Variants in RALGPS2 observed in about 807,000 individuals in gnomAD.
RALGPS2 encodes the protein ras-specific guanine nucleotide-releasing factor RalGPS2.
A neutral mutation model predicts 86.8 loss-of-function variants in RALGPS2; 43 were observed. That is an observed-to-expected ratio of 0.50 (90% CI 0.39 to 0.64). The LOEUF (loss-of-function observed/expected upper bound fraction) is 0.64, where lower values mean the gene tolerates loss of function less well. RALGPS2 is among the 30% of genes least tolerant of loss of function. RALGPS2 has a pLI of 0.00. For missense variants in RALGPS2, 536 were observed against 694.6 expected (o/e 0.77, Z 2.57); for synonymous variants, 243 against 231.3 (o/e 1.05, Z -0.46).
chr1:178,853,251 A>G lies in RALGPS2; in HGVS notation c.607+19701A>G, dbSNP rs557960227. ...TCCATAGCTACTAAAAATATTAGCT[A>G]GTATACTACCCAGATCCTTAAAAAG... On this transcript the variant is annotated intron_variant, in intron 8 of 19. Coordinates refer to ENST00000367635, the MANE Select transcript of RALGPS2 (RefSeq NM_152663.5). The G allele has an allele frequency of 2.7e-5, 26 of 971,718 alleles. No homozygotes were observed. The African/African-American group carries it at 4.2e-4, about 16-fold the overall frequency. The allele number at this position is 971,718 out of a possible 1,614,324, so 60.2% of individuals were successfully genotyped here. A position where few individuals can be genotyped will look rare whatever the true frequency, so the allele number is the denominator to read the frequency against.
intron 1 of RALGPS2, chr1:178,747,643 T>TAATC (rs1034387242): frequency 1.3e-6 from 2 of 1,553,938 alleles, no homozygotes; most frequent in African/African-American, 2.7e-5. Flanking sequence ...GGCATTAATA[T>TAATC]AATCATTCTC....
At chr1:178,748,090 C>T (rs1036864338) in intron 1 of RALGPS2, among the ~76,000 whole-genome samples, 2 of 152,102 alleles carry the variant, frequency 1.3e-5, no homozygotes, top group East Asian at 1.9e-4. Flanking sequence ...GAGGCCGAGG[C>T]GGGTGGATCA....
chr1:178,890,455 T>C (rs369432325), intron 14 of RALGPS2, among the ~76,000 whole-genome samples: 11 of 152,116 alleles, frequency 7.2e-5, no homozygotes, highest in African/African-American at 2.2e-4. Flanking sequence ...ATGAACTAAG[T>C]AACTAAATTT....
At chr1:178,845,842 A>G (rs912992724) in intron 8 of RALGPS2, among the ~76,000 whole-genome samples, 2 of 152,182 alleles carry the variant, frequency 1.3e-5, no homozygotes, top group African/African-American at 4.8e-5. Context: ...AAGGTCCAGG[A>G]TATCATTAAC....
intron 4 of RALGPS2, among the ~76,000 whole-genome samples, chr1:178,807,682 A>G (rs116101065): frequency 0.019 from 2,826 of 152,284 alleles, 53 homozygotes; most frequent in Non-Finnish European, 0.029. Context: ...AGAGTGAGAT[A>G]CTAGAAAGCT....
chr1:178,810,262 C>G (rs1654912840), intron 5 of RALGPS2, among the ~76,000 whole-genome samples: 1 of 152,012 alleles, frequency 6.6e-6, no homozygotes, highest in Non-Finnish European at 1.5e-5. Flanking sequence ...CAGCTTACAC[C>G]TGTGGTCTCA....
chr1:178,832,894 T>C (rs1656095528), intron 7 of RALGPS2, among the ~76,000 whole-genome samples: 1 of 151,938 alleles, frequency 6.6e-6, no homozygotes, highest in Non-Finnish European at 1.5e-5. Flanking sequence ...GTATGTGATA[T>C]AGCACTGATC....
At chr1:178,855,117 T>C (rs1558151716) in intron 8 of RALGPS2, among the ~76,000 whole-genome samples, 1 of 152,066 alleles carries the variant, frequency 6.6e-6, no homozygotes, top group Non-Finnish European at 1.5e-5. Context: ...ATAAGGATAA[T>C]AGGATTGTTG....
chr1:178,783,554 C>G (rs1316188749), intron 2 of RALGPS2, among the ~76,000 whole-genome samples: 1 of 152,080 alleles, frequency 6.6e-6, no homozygotes, highest in East Asian at 1.9e-4. Flanking sequence ...GGAGGAAAAG[C>G]AAAAATGAGG....
intron 17 of RALGPS2, 76 bp from the exon 18 acceptor site, chr1:178,902,030 C>T (rs1018546420): frequency 2.3e-5 from 24 of 1,021,660 alleles, no homozygotes; most frequent in Non-Finnish European, 3.4e-5. Flanking sequence ...ACTGAAAATA[C>T]ACTCCCTAAC....
chr1:178,751,715 T>C (rs1651692395), intron 1 of RALGPS2, among the ~76,000 whole-genome samples: 4 of 152,170 alleles, frequency 2.6e-5, no homozygotes. Context: ...TAAGTGTATC[T>C]TCAGAGACCT....
intron 9 of RALGPS2, 115 bp from the exon 10 acceptor site, chr1:178,878,787 T>C (rs190630233): frequency 1.3e-4 from 176 of 1,391,162 alleles, no homozygotes; most frequent in Admixed American, 1.6e-4. Flanking sequence ...CTAGAGTTAA[T>C]TTAAATTTTG....
At chr1:178,872,293 C>T (rs779972464) in intron 8 of RALGPS2, among the ~76,000 whole-genome samples, 6 of 152,100 alleles carry the variant, frequency 3.9e-5, no homozygotes, top group Admixed American at 6.6e-5. Context: ...AATTCCTATG[C>T]CATATATAGG....
At chr1:178,852,552 G>T in intron 8 of RALGPS2, 1 of 814,652 alleles carries the variant, frequency 1.2e-6, no homozygotes, top group Non-Finnish European at 1.8e-6. Context: ...TCAGTAGGTT[G>T]GTTGTATTTC....
chr1:178,880,655 A>G (rs1352512605), intron 10 of RALGPS2, among the ~76,000 whole-genome samples: 2 of 152,192 alleles, frequency 1.3e-5, no homozygotes, highest in African/African-American at 4.8e-5. Context: ...TGTAGAACAG[A>G]TATCTTAAAA....
At chr1:178,843,654 T>TA (rs564673535) in intron 8 of RALGPS2, among the ~76,000 whole-genome samples, 3,731 of 115,296 alleles carry the variant, frequency 0.032, 145 homozygotes, top group African/African-American at 0.11. Context: ...AAAGTATAAT[T>TA]AAAAAAAAAA....
intron 1 of RALGPS2, among the ~76,000 whole-genome samples, chr1:178,770,969 G>T (rs776122969): frequency 1.3e-5 from 2 of 150,718 alleles, no homozygotes; most frequent in East Asian, 2.0e-4. Flanking sequence ...CTCTCTAGTC[G>T]CTGGGATTAC....
At chr1:178,905,346 C>T (rs1660349655) in intron 18 of RALGPS2, among the ~76,000 whole-genome samples, 1 of 151,746 alleles carries the variant, frequency 6.6e-6, no homozygotes. Flanking sequence ...CTTCAGGTAG[C>T]CAAAATTTTA....
chr1:178,893,092 C>G (rs759041471), intron 15 of RALGPS2, among the ~76,000 whole-genome samples: 1 of 152,162 alleles, frequency 6.6e-6, no homozygotes, highest in African/African-American at 2.4e-5. Context: ...TTTCATTGCT[C>G]TTATAGGAAT....
Sources: allele counts gnomAD v4.1 joint callset (sites outside exome capture counted in the v4.1 genomes callset), GRCh38; gene constraint gnomAD v4.1.1; transcripts MANE v1.5; gene names NCBI Gene and HGNC (gene_info 2026-07-23, HGNC 2026-07-21).